The following ZNF148 variants were observed in gnomAD, a reference collection of about 807,000 sequenced individuals.
ZNF148 encodes Beta-Enolase Repressor Factor-1.
A neutral mutation model predicts 67.7 loss-of-function variants in ZNF148; 7 were observed. That is an observed-to-expected ratio of 0.10 (90% CI 0.06 to 0.19). ZNF148 has a LOEUF of 0.19. Among genes scored for constraint, ZNF148 ranks in the 10% least tolerant of loss-of-function variants. The pLI is 1.00. For synonymous variants in ZNF148, 333 were observed against 330.7 expected (o/e 1.01, Z -0.08); for missense variants, 583 against 947.1 (o/e 0.62, Z 5.05).
intron 5 of ZNF148, among the ~76,000 whole-genome samples, chr3:125,279,950 C>T (rs184654761): frequency 1.3e-5 from 2 of 151,746 alleles, no homozygotes; most frequent in East Asian, 1.9e-4. Context: ...TTTACACTGT[C>T]CACTTAACAC....
At chr3:125,256,541 T>C (rs527544271) in intron 7 of ZNF148, among the ~76,000 whole-genome samples, 1 of 151,960 alleles carries the variant, frequency 6.6e-6, no homozygotes, top group Non-Finnish European at 1.5e-5. Flanking sequence ...CCAGCCATGA[T>C]GGCAGATGCC....
intron 7 of ZNF148, among the ~76,000 whole-genome samples, chr3:125,251,852 T>C (rs1244791684): frequency 6.6e-6 from 1 of 152,236 alleles, no homozygotes; most frequent in Non-Finnish European, 1.5e-5. Context: ...GGTTTGTGTA[T>C]GTTCAGTCTC....
intron 7 of ZNF148, among the ~76,000 whole-genome samples, chr3:125,275,057 T>A (rs957532095): frequency 1.3e-5 from 2 of 152,174 alleles, no homozygotes; most frequent in African/African-American, 2.4e-5. Flanking sequence ...GTTCTAGATA[T>A]ATATTCCCAA....
chr3:125,357,637 G>C (rs1324061794), intron 1 of ZNF148: 1 of 152,458 alleles, frequency 6.6e-6, no homozygotes, highest in Non-Finnish European at 1.5e-5. Flanking sequence ...TGGCCCAATC[G>C]GGCCTGGGCT....
chr3:125,233,452 T>C lies in ZNF148; in HGVS notation c.1274A>G (p.Tyr425Cys), dbSNP rs759523773. Residue 425 changes from tyrosine (Y) to cysteine (C), a missense_variant, in exon 9 of 9, where the codon TAT becomes TGT. Tyr to Cys is a radical substitution (Grantham distance 194, BLOSUM62 -2). This residue lies in a region of ZNF148 where 172 missense variants were observed against 307.7 expected (regional missense o/e 0.56). Coordinates refer to ENST00000360647, the MANE Select transcript of ZNF148 (RefSeq NM_021964.3). The surrounding 1 kb of genome is among the most constrained non-coding windows in gnomAD (Gnocchi z 5.1). ...CTGTTTATCCACAAGTTCAAAAGCA[T>C]ACTTTGAAACTTTGCTCTCTTCATA... Reference protein sequence around the residue: ...STYEESKVSKYAFELVDKQAL... With the variant: ...STYEESKVSKCAFELVDKQAL... The C allele has an allele frequency of 3.1e-6, 5 of 1,613,952 alleles. No homozygotes were observed. The highest frequency in any genetic ancestry group is 3.4e-6 in the Non-Finnish European group (4 of 1,179,926).
At position 125,279,249 on chromosome 3, in the gene ZNF148, T is replaced by C. The variant is rs763948497; in HGVS notation, c.460-2A>G. On this transcript the variant is annotated splice_acceptor_variant, in intron 5 of 8. Coordinates refer to ENST00000360647, the MANE Select transcript of ZNF148 (RefSeq NM_021964.3). LOFTEE classifies it high-confidence loss of function. ...TCCATCCTCATTTATTGTAAGGATCTAGTTCAAAAAAAAAAAGGCAAAAAC... is the reference window on the plus strand; with the variant it reads ...TCCATCCTCATTTATTGTAAGGATCCAGTTCAAAAAAAAAAAGGCAAAAAC... 6.9e-7 allele frequency: 1 copy of C among 1,440,798 alleles called. No homozygotes were observed. 89.3% of individuals were successfully genotyped at this position (1,440,798 alleles called of 1,614,324 possible). A position where few individuals can be genotyped will look rare whatever the true frequency, so the allele number is the denominator to read the frequency against.
At position 125,228,463 on chromosome 3, in the gene ZNF148, T is replaced by C. The variant is rs1579566089; in HGVS notation, c.*3878A>G. The stretch of plus-strand genomic sequence containing the variant: ...TAATCATTATTAAATGAAATAAGGA[T>C]AATTAATAACTCTGAAATGTTTTTA... On this transcript the variant is annotated 3_prime_UTR_variant, in exon 9 of 9. Coordinates refer to ENST00000360647, the MANE Select transcript of ZNF148 (RefSeq NM_021964.3). 6.5e-6 allele frequency: 1 copy of C among 152,752 alleles called. No individual in the cohort carries two copies. Among genetic ancestry groups the C allele is most frequent in the East Asian group, 1.9e-4 (1 of 5,192 alleles). The allele number at this position is 152,752 out of a possible 1,614,324, so 9.5% of individuals were successfully genotyped here.
At chr3:125,329,057 A>G (rs991273470) in intron 2 of ZNF148, among the ~76,000 whole-genome samples, 1 of 150,990 alleles carries the variant, frequency 6.6e-6, no homozygotes, top group African/African-American at 2.4e-5. Context: ...AGGATATACA[A>G]TGATTATACT....
At chr3:125,373,218 GC>G (rs139484198) in intron 1 of ZNF148, among the ~76,000 whole-genome samples, 355 of 151,344 alleles carry the variant, frequency 2.3e-3, no homozygotes, top group African/African-American at 8.3e-3. Flanking sequence ...GCCAAGGCGG[GC>G]GGATCACTTG....
chr3:125,232,347 A>G lies in ZNF148; in HGVS notation c.2379T>C (p.Phe793=). The G allele has an allele frequency of 6.3e-7, 1 of 1,583,572 alleles. No homozygotes were observed. The highest frequency in any genetic ancestry group is 8.6e-7 in the Non-Finnish European group (1 of 1,165,562). ...TTACACTTTTTTTTTTTTTTTAGCCAAAAGTCTGGCCAGTTGTGGCATCAG... is the reference window on the plus strand; with the variant it reads ...TTACACTTTTTTTTTTTTTTTAGCCGAAAGTCTGGCCAGTTGTGGCATCAG... ...SSPDATTGQT[F]G is the part of the protein sequence containing the mutation. Residue 793 remains phenylalanine, a synonymous_variant, in exon 9 of 9, where the codon TTT becomes TTC. Transcript: ENST00000360647. The surrounding 1 kb of genome is among the most constrained non-coding windows in gnomAD (Gnocchi z 4.2).
chr3:125,358,558 CT>C (rs777627703), intron 1 of ZNF148, among the ~76,000 whole-genome samples: 20 of 152,200 alleles, frequency 1.3e-4, no homozygotes, highest in Non-Finnish European at 1.5e-5. Flanking sequence ...CCAGAAGCCC[CT>C]ATGGCTACAG....
chr3:125,274,426 T>C (rs368201322), intron 7 of ZNF148, among the ~76,000 whole-genome samples: 115 of 152,274 alleles, frequency 7.6e-4, no homozygotes, highest in Middle Eastern at 6.8e-3. Context: ...TTCAGTGCCA[T>C]AGTCTAAAGG....
chr3:125,335,858 T>C (rs1245170617), intron 1 of ZNF148, among the ~76,000 whole-genome samples: 2 of 152,210 alleles, frequency 1.3e-5, no homozygotes, highest in African/African-American at 2.4e-5. Flanking sequence ...CACCAAATTA[T>C]GTTTTAACTG....
intron 1 of ZNF148, among the ~76,000 whole-genome samples, chr3:125,353,679 T>C (rs1942237714): frequency 6.6e-6 from 1 of 151,970 alleles, no homozygotes; most frequent in South Asian, 2.1e-4. Context: ...GTTCTTGAAC[T>C]CCTGAGTTCA....
rs1427367373 is a variant in ZNF148 at position 125,233,261 on chromosome 3, G to A, written c.1465C>T (p.Leu489=). The change falls in exon 9 of 9, where the codon CTG becomes TTG. Residue 489 remains leucine, a synonymous_variant. Transcript: ENST00000360647. The surrounding 1 kb of genome is among the most constrained non-coding windows in gnomAD (Gnocchi z 5.1). ...AASNNSREYA[L]NVGTIASQPS... ...TGAGAAGCTATGGTACCCACATTCA[G>A]CGCATATTCCCTGCTGTTGTTACTT... 6.2e-7 allele frequency: 1 copy of A among 1,613,850 alleles called. No homozygotes were observed. The highest frequency in any genetic ancestry group is 1.7e-5 in the Admixed American group (1 of 59,956).
chr3:125,298,031 T>C (rs1344149108), intron 4 of ZNF148, among the ~76,000 whole-genome samples: 1 of 152,150 alleles, frequency 6.6e-6, no homozygotes, highest in African/African-American at 2.4e-5. Flanking sequence ...ATAACATGGG[T>C]ATATCTCATA....
intron 1 of ZNF148, among the ~76,000 whole-genome samples, chr3:125,373,877 C>T (rs1175238583): frequency 6.6e-6 from 1 of 152,126 alleles, no homozygotes; most frequent in Non-Finnish European, 1.5e-5. Context: ...GCATGTCTTC[C>T]CCCCGACCAT....
At chr3:125,343,438 C>T (rs1032667083) in intron 1 of ZNF148, among the ~76,000 whole-genome samples, 9 of 149,224 alleles carry the variant, frequency 6.0e-5, no homozygotes, top group African/African-American at 1.5e-4. Flanking sequence ...CTGTAGCTAG[C>T]AAGGGGATTG....
intron 4 of ZNF148, among the ~76,000 whole-genome samples, chr3:125,312,365 T>C (rs1560162490): frequency 6.6e-6 from 1 of 152,216 alleles, no homozygotes. Flanking sequence ...GGTGAATGTA[T>C]GTATCAGAGC....
Sources: gnomAD v4.1 joint callset for allele counts (sites outside exome capture counted in the v4.1 genomes callset) on GRCh38, gnomAD v4.1.1 for gene constraint, gnomAD v4.1.1 regional missense constraint, Gnocchi (gnomAD v3.1) non-coding constraint, MANE v1.5 for transcripts, NCBI Gene and HGNC (gene_info 2026-07-23, HGNC 2026-07-21) for gene names.